Variants in NBEAL1 observed in about 807,000 individuals in gnomAD.
NBEAL1 encodes the protein neurobeachin like 1, also known as neurobeachin-like protein 1.
In NBEAL1, 273 loss-of-function variants were observed where a neutral mutation model predicts 351.3. The observed-to-expected ratio is 0.78, with a 90% CI of 0.70 to 0.86. The LOEUF is 0.86. Ranked by LOEUF, NBEAL1 falls within the 40% of genes least tolerant of loss-of-function variation. The probability of loss-of-function intolerance (pLI) is 0.00; values close to 1 mark genes in which losing one functional copy is unlikely to be tolerated. For missense variants in NBEAL1, 2,961 were observed against 3,201.3 expected (o/e 0.92, Z 1.81); for synonymous variants, 1,050 against 1,086.4 (o/e 0.97, Z 0.66).
At chr2:203,114,113 C>T (rs1188442454) in intron 17 of NBEAL1, among the ~76,000 whole-genome samples, 5 of 151,948 alleles carry the variant, frequency 3.3e-5, no homozygotes, top group Admixed American at 6.6e-5. Flanking sequence ...TGAGCCACCG[C>T]GCCCAGCCTC....
rs193094931 is a variant in NBEAL1, at chr2:203,149,093, C to T, written c.5407C>T (p.Arg1803Cys). The T allele has an allele frequency of 6.1e-5, 99 of 1,612,566 alleles. No homozygotes were observed. Among genetic ancestry groups the T allele is most frequent in the South Asian group, 4.1e-4 (37 of 90,866 alleles). The change falls in exon 34 of 56, where the codon CGC (arginine) becomes TGC (cysteine). Residue 1803 changes from arginine (R) to cysteine (C), a missense_variant. Coordinates refer to ENST00000683969, the MANE Select transcript of NBEAL1 (RefSeq NM_001378026.1). ...LSSQQLATLR[R>C]WKAIQLYLTC... ...CAGTCAACAGTTAGCCACTCTTAGACGCTGGAAAGCAATACAGCTCTATCT... is the reference window on the plus strand; with the variant it reads ...CAGTCAACAGTTAGCCACTCTTAGATGCTGGAAAGCAATACAGCTCTATCT...
intron 33 of NBEAL1, among the ~76,000 whole-genome samples, chr2:203,148,016 A>G (rs901055360): frequency 6.6e-6 from 1 of 152,012 alleles, no homozygotes; most frequent in East Asian, 1.9e-4. Context: ...ATTACCATGG[A>G]GCTGTCATGA....
Position 203,135,972 on chromosome 2 carries a change from C to T in NBEAL1, c.4109C>T (p.Thr1370Ile), listed in dbSNP as rs749600402. The change falls in exon 28 of 56, where the codon ACA becomes ATA. Residue 1370 changes from threonine to isoleucine, a missense_variant. By Grantham distance (89) the Thr-to-Ile change is moderately conservative. Coordinates refer to ENST00000683969, the MANE Select transcript of NBEAL1 (RefSeq NM_001378026.1). ...LEDRHSLDSN[T>I]PLFPEDSSVG... is the part of the protein sequence containing the mutation. Reference sequence around the variant, plus strand: ...GATAGACACTCTTTAGACTCAAACACACCATTATTTCCAGAAGATAGCTCT... The same window carrying T: ...GATAGACACTCTTTAGACTCAAACATACCATTATTTCCAGAAGATAGCTCT... The T allele has an allele frequency of 1.2e-6, 2 of 1,613,924 alleles. No individual in the cohort carries two copies. The highest frequency in any genetic ancestry group is 3.3e-5 in the Admixed American group (2 of 60,016).
rs760635542 is a variant in NBEAL1 at position 203,099,647 on chromosome 2, G to T, written c.1204G>T (p.Asp402Tyr). Residue 402 changes from aspartate to tyrosine, a missense_variant, in exon 12 of 56, where the codon GAT (aspartate) becomes TAT (tyrosine). Physicochemically the swap from Asp to Tyr is radical, Grantham distance 160. Transcript: ENST00000683969. ...NEDQVFQGQL[D>Y]CLAISTIQAL... The stretch of plus-strand genomic sequence containing the variant: ...TCAATAGGTGTTTCAGGGACAATTG[G>T]ATTGTTTGGCCATATCAACCATTCA... 1.5e-5 allele frequency: 23 copies of T among 1,549,708 alleles called. No homozygotes were observed. The African/African-American group carries it at 2.5e-4, about 17-fold the overall frequency.
In NBEAL1 at chr2:203,169,953, CCATT is replaced by C; in HGVS notation, c.6102+105_6102+108del. ...TTTGATTTTTACAACTGCTGTTCTT[CCATT>C]CAGACTGATCTTTTGAATTATCTTT... On this transcript the variant is annotated intron_variant, in intron 39 of 55. Transcript: ENST00000683969. The C allele has an allele frequency of 4.2e-6, 3 of 716,336 alleles. No homozygotes were observed. In the South Asian group the frequency reaches 5.0e-5, roughly 12 times the overall value. 44.4% of individuals were successfully genotyped at this position (716,336 alleles called of 1,614,324 possible).
chr2:203,119,424 CTTTTT>C lies in NBEAL1; in HGVS notation c.2593-2814_2593-2810del, dbSNP rs57126638. On this transcript the variant is annotated intron_variant, in intron 18 of 55. Coordinates refer to ENST00000683969, the MANE Select transcript of NBEAL1 (RefSeq NM_001378026.1). ...GTGAGCCACTGCATACGGCCTGTTG[CTTTTT>C]TTTTTTTTTTTTTTTGAGACGGAGT... Among the ~76,000 whole-genome samples, 5 of 66,664 alleles carry C rather than the reference CTTTTT, an allele frequency of 7.5e-5. 1 individual carries two copies. Among genetic ancestry groups the C allele is most frequent in the East Asian group, 1.4e-3 (2 of 1,434 alleles). The allele number at this position is 66,664 out of a possible 152,430, so 43.7% of individuals were successfully genotyped here. A position where few individuals can be genotyped will look rare whatever the true frequency, so the allele number is the denominator to read the frequency against.
intron 2 of NBEAL1, among the ~76,000 whole-genome samples, chr2:203,028,383 ATT>A (rs1162828391): frequency 6.6e-6 from 1 of 152,008 alleles, no homozygotes; most frequent in Non-Finnish European, 1.5e-5. Flanking sequence ...CTGAGCTTTA[ATT>A]TTTTAATTAA....
At chr2:203,054,764 A>C (rs190611233) in intron 4 of NBEAL1, among the ~76,000 whole-genome samples, 1 of 152,302 alleles carries the variant, frequency 6.6e-6, no homozygotes, top group Non-Finnish European at 1.5e-5. Flanking sequence ...GTTAATATAC[A>C]TTTGTTTTTG....
intron 31 of NBEAL1, among the ~76,000 whole-genome samples, chr2:203,139,557 CTTTTTTTTTTT>C (rs370861737): frequency 1.8e-4 from 12 of 67,646 alleles, no homozygotes; most frequent in African/African-American, 2.5e-4. Flanking sequence ...CCACCCCCAC[CTTTTTTTTTTT>C]TTTTTTTTTT....
intron 50 of NBEAL1, among the ~76,000 whole-genome samples, chr2:203,201,949 G>A (rs779265436): frequency 6.6e-6 from 1 of 151,656 alleles, no homozygotes; most frequent in Non-Finnish European, 1.5e-5. Context: ...AAAATGTTAG[G>A]CTAAGTTGTT....
intron 35 of NBEAL1, among the ~76,000 whole-genome samples, chr2:203,154,134 G>A (rs761233334): frequency 4.1e-5 from 6 of 144,846 alleles, no homozygotes; most frequent in Non-Finnish European, 7.4e-5. Context: ...TACTTGGGAG[G>A]CTGAGGCAGG....
intron 41 of NBEAL1, among the ~76,000 whole-genome samples, chr2:203,173,971 C>T (rs1192149337): frequency 1.3e-5 from 2 of 151,852 alleles, no homozygotes; most frequent in East Asian, 1.9e-4. Flanking sequence ...ATTTTATACA[C>T]GCTAATTCAG....
chr2:203,153,013 G>C (rs2063700817), intron 35 of NBEAL1, among the ~76,000 whole-genome samples: 1 of 152,042 alleles, frequency 6.6e-6, no homozygotes, highest in Admixed American at 6.6e-5. Flanking sequence ...ACTCCAGCCT[G>C]GGTGACAAGA....
chr2:203,080,700 C>T (rs970284965), intron 8 of NBEAL1, among the ~76,000 whole-genome samples: 1 of 152,112 alleles, frequency 6.6e-6, no homozygotes, highest in African/African-American at 2.4e-5. Context: ...CTCCTCTTCA[C>T]CCTAGTAGAA....
chr2:203,020,073 A>G (rs1428354206), intron 2 of NBEAL1, among the ~76,000 whole-genome samples: 2 of 152,212 alleles, frequency 1.3e-5, no homozygotes, highest in African/African-American at 2.4e-5. Flanking sequence ...ATGGGGTACA[A>G]TGTAATGTTT....
chr2:203,156,073 TATGTGTA>T (rs2063790554), intron 35 of NBEAL1, among the ~76,000 whole-genome samples: 1 of 152,234 alleles, frequency 6.6e-6, no homozygotes, highest in African/African-American at 2.4e-5. Context: ...TCTTTTCTCA[TATGTGTA>T]TTCCTTACCC....
intron 36 of NBEAL1, 89 bp downstream of exon 36, chr2:203,157,914 A>G (rs1283878658): frequency 2.8e-6 from 3 of 1,084,866 alleles, no homozygotes; most frequent in Non-Finnish European, 3.8e-6. Flanking sequence ...AACACCATGT[A>G]TTTCCAGGGT....
At chr2:203,155,806 T>A (rs2063784507) in intron 35 of NBEAL1, among the ~76,000 whole-genome samples, 1 of 152,134 alleles carries the variant, frequency 6.6e-6, no homozygotes. Flanking sequence ...ATACCAACTT[T>A]TAGTCTTTTT....
intron 12 of NBEAL1, among the ~76,000 whole-genome samples, chr2:203,102,743 A>T (rs1000746156): frequency 6.6e-6 from 1 of 152,172 alleles, no homozygotes; most frequent in African/African-American, 2.4e-5. Context: ...ATCTATGTTT[A>T]TCAAGGATAT....
Sources: allele counts gnomAD v4.1 joint callset (sites outside exome capture counted in the v4.1 genomes callset), GRCh38; gene constraint gnomAD v4.1.1; transcripts MANE v1.5; gene names NCBI Gene and HGNC (gene_info 2026-07-23, HGNC 2026-07-21).